PTPRT: variants seen among roughly 807,000 people sequenced by gnomAD.
The protein encoded by PTPRT is receptor-type tyrosine-protein phosphatase T.
Under a neutral mutation model 176.8 loss-of-function variants are expected in PTPRT, and 56 were observed. The ratio of observed to expected loss-of-function variants is 0.32; its 90% CI spans 0.26 to 0.40. The LOEUF (loss-of-function observed/expected upper bound fraction) is 0.40, where lower values mean the gene tolerates loss of function less well. PTPRT is among the 10% of genes least tolerant of loss of function. PTPRT has a pLI of 1.00. For missense variants in PTPRT, 1,540 were observed against 1,908.2 expected, an observed-to-expected ratio of 0.81 and a Z score of 3.60; for synonymous variants, 783 against 739.0, an observed-to-expected ratio of 1.06 and a Z score of -0.96.
At chr20:42,220,037 T>TTATATATA (rs71335848) in intron 15 of PTPRT, among the ~76,000 whole-genome samples, 19 of 116,608 alleles carry the variant, frequency 1.6e-4, no homozygotes, top group Admixed American at 1.5e-3. Context: ...TTTAAAAAAG[T>TTATATATA]TATATATATA....
At chr20:42,989,523 G>T (rs992783417) in intron 1 of PTPRT, among the ~76,000 whole-genome samples, 1 of 152,172 alleles carries the variant, frequency 6.6e-6, no homozygotes, top group Non-Finnish European at 1.5e-5. Flanking sequence ...GACAAGGACT[G>T]CCCAGGTAGA....
At chr20:42,659,094 T>G (rs968755030) in intron 7 of PTPRT, among the ~76,000 whole-genome samples, 1 of 152,162 alleles carries the variant, frequency 6.6e-6, no homozygotes, top group Non-Finnish European at 1.5e-5. Flanking sequence ...GAAAACATAT[T>G]TTTTTCATCA....
chr20:42,164,609 C>G (rs1989747478), intron 16 of PTPRT, among the ~76,000 whole-genome samples: 1 of 149,122 alleles, frequency 6.7e-6, no homozygotes, highest in African/African-American at 2.5e-5. Flanking sequence ...TTATCACACT[C>G]CATTTCACCA....
intron 2 of PTPRT, among the ~76,000 whole-genome samples, chr20:42,877,717 T>C (rs917044458): frequency 6.6e-6 from 1 of 152,210 alleles, no homozygotes; most frequent in Non-Finnish European, 1.5e-5. Context: ...TAGCTCTGTT[T>C]ATGGCCCGTG....
chr20:42,230,963 C>T (rs1247675379), intron 15 of PTPRT, among the ~76,000 whole-genome samples: 1 of 152,166 alleles, frequency 6.6e-6, no homozygotes, highest in African/African-American at 2.4e-5. Context: ...ACCTCTTGCT[C>T]TAACCCTTTG....
intron 7 of PTPRT, among the ~76,000 whole-genome samples, chr20:42,484,724 A>G (rs1477037258): frequency 6.6e-6 from 1 of 152,220 alleles, no homozygotes; most frequent in African/African-American, 2.4e-5. Flanking sequence ...ATAGTTAACA[A>G]TTCTGTATAG....
chr20:42,684,765 G>GA (rs1466677644), intron 6 of PTPRT, among the ~76,000 whole-genome samples: 3 of 152,014 alleles, frequency 2.0e-5, no homozygotes, highest in Admixed American at 6.6e-5. Context: ...TAAGCCTTCA[G>GA]AAAAAATAAC....
At chr20:42,998,858 T>G (rs2146123945) in intron 1 of PTPRT, among the ~76,000 whole-genome samples, 1 of 152,280 alleles carries the variant, frequency 6.6e-6, no homozygotes, top group African/African-American at 2.4e-5. Flanking sequence ...TTAGACTCAA[T>G]TTGGGAGTCC....
chr20:43,111,582 A>T (rs912068542), intron 1 of PTPRT, among the ~76,000 whole-genome samples: 15 of 151,218 alleles, frequency 9.9e-5, no homozygotes, highest in Non-Finnish European at 2.2e-4. Flanking sequence ...ATGGTTACAT[A>T]ATGGGACTTG....
intron 6 of PTPRT, among the ~76,000 whole-genome samples, chr20:42,705,642 A>G (rs1288238624): frequency 6.6e-6 from 1 of 152,112 alleles, no homozygotes; most frequent in Non-Finnish European, 1.5e-5. Context: ...GTCTGTTGTA[A>G]TCATGTCACT....
chr20:42,525,823 T>C (rs2072258025), intron 7 of PTPRT, among the ~76,000 whole-genome samples: 1 of 152,250 alleles, frequency 6.6e-6, no homozygotes, highest in South Asian at 2.1e-4. Flanking sequence ...GTTTATCTTC[T>C]AATAATTTAA....
intron 11 of PTPRT, among the ~76,000 whole-genome samples, chr20:42,337,235 C>T (rs757354940): frequency 1.3e-5 from 2 of 152,118 alleles, no homozygotes; most frequent in African/African-American, 4.8e-5. Context: ...AGCTGTAGTT[C>T]GACCTCCAAC....
At chr20:42,532,469 A>T (rs1299797214) in intron 7 of PTPRT, among the ~76,000 whole-genome samples, 2 of 152,112 alleles carry the variant, frequency 1.3e-5, no homozygotes, top group Non-Finnish European at 2.9e-5. Flanking sequence ...TGGCATGATC[A>T]TAGTTCACTG....
intron 6 of PTPRT, among the ~76,000 whole-genome samples, chr20:42,718,905 C>T (rs1019483369): frequency 3.9e-5 from 6 of 152,126 alleles, no homozygotes; most frequent in East Asian, 1.9e-4. Flanking sequence ...TGAGAGCTGA[C>T]GAGAGCCAAT....
At chr20:42,402,485 A>G (rs2058918742) in intron 9 of PTPRT, among the ~76,000 whole-genome samples, 1 of 86,844 alleles carries the variant, frequency 1.2e-5, no homozygotes, top group Non-Finnish European at 2.5e-5. Context: ...AGTGCAGTTA[A>G]AAAAAAAAAA....
intron 16 of PTPRT, among the ~76,000 whole-genome samples, chr20:42,181,303 G>A (rs537606929): frequency 6.6e-6 from 1 of 152,298 alleles, no homozygotes; most frequent in Non-Finnish European, 1.5e-5. Context: ...GGTAGGGGCA[G>A]TAGGGGACAC....
At chr20:42,676,583 G>A (rs2075508011) in intron 7 of PTPRT, among the ~76,000 whole-genome samples, 1 of 151,432 alleles carries the variant, frequency 6.6e-6, no homozygotes, top group African/African-American at 2.4e-5. Flanking sequence ...TCATGATGTG[G>A]CCAAAAGTCA....
At chr20:42,861,299 C>T (rs6065548) in intron 2 of PTPRT, among the ~76,000 whole-genome samples, 11,513 of 152,244 alleles carry the variant, frequency 0.076, 1,122 homozygotes, top group African/African-American at 0.22. Context: ...GATCCAATCT[C>T]TATTTCATTA....
chr20:43,163,552 G>T (rs2014766584), intron 1 of PTPRT, among the ~76,000 whole-genome samples: 1 of 151,998 alleles, frequency 6.6e-6, no homozygotes, highest in Non-Finnish European at 1.5e-5. Flanking sequence ...GCAGGAGAAT[G>T]GCGTGAACCC....
Sources: gnomAD v4.1 joint callset for allele counts (sites outside exome capture counted in the v4.1 genomes callset) on GRCh38, gnomAD v4.1.1 for gene constraint, MANE v1.5 for transcripts, NCBI Gene and HGNC (gene_info 2026-07-23, HGNC 2026-07-21) for gene names.